The following TEX11 variants were observed in gnomAD, a reference collection of about 807,000 sequenced individuals.
The protein encoded by TEX11 is testis-expressed protein 11.
TEX11 carries 7 observed loss-of-function variants against 84.4 expected under a neutral mutation model. That is an observed-to-expected ratio of 0.08 (90% CI 0.05 to 0.16). TEX11 has a LOEUF of 0.16. TEX11 is among the 10% of genes least tolerant of loss of function. The probability of loss-of-function intolerance (pLI) is 1.00; values close to 1 mark genes in which losing one functional copy is unlikely to be tolerated. For missense variants in TEX11, 551 were observed against 660.5 expected, an observed-to-expected ratio of 0.83 and a Z score of 1.82; for synonymous variants, 264 against 222.8, an observed-to-expected ratio of 1.18 and a Z score of -1.64.
At chrX:70,810,933 C>T (rs1383147961) in intron 8 of TEX11, among the ~76,000 whole-genome samples, 2 of 111,749 alleles carry the variant, frequency 1.8e-5, no homozygotes, top group South Asian at 3.8e-4. Context: ...TCTAACCAAG[C>T]TTTCCATATA....
At chrX:70,836,854 T>A (rs1041597050) in intron 7 of TEX11, among the ~76,000 whole-genome samples, 1 of 111,048 alleles carries the variant, frequency 9.0e-6, no homozygotes, top group South Asian at 3.8e-4. Context: ...CCATTTCTAC[T>A]AAAAATACAA....
At chrX:70,746,613 A>T (rs1056737035) in intron 9 of TEX11, among the ~76,000 whole-genome samples, 1 of 112,193 alleles carries the variant, frequency 8.9e-6, no homozygotes, top group African/African-American at 3.2e-5. Context: ...AAGAGGAAGA[A>T]CTCTGCATCT....
chrX:70,528,098 C>T (rs994315380), downstream of TEX11, among the ~76,000 whole-genome samples: 5 of 111,316 alleles, frequency 4.5e-5, no homozygotes, highest in African/African-American at 9.8e-5. Context: ...TGAGGAACAA[C>T]TAAGGGGTCT....
chrX:70,584,156 G>A (rs1405714632), intron 25 of TEX11, among the ~76,000 whole-genome samples: 5 of 108,132 alleles, frequency 4.6e-5, no homozygotes, highest in East Asian at 2.9e-4. Context: ...GGTGGCGGGC[G>A]CCTGTAGTCC....
intron 25 of TEX11, 134 bp from the exon 26 acceptor site, chrX:70,554,934 C>G (rs2088266418): frequency 3.8e-6 from 2 of 525,867 alleles, no homozygotes; most frequent in South Asian, 1.4e-4. Context: ...GTCATCTTCA[C>G]TGCTGTAGAC....
intron 11 of TEX11, among the ~76,000 whole-genome samples, chrX:70,729,895 C>T (rs192327224): frequency 8.9e-6 from 1 of 111,795 alleles, no homozygotes; most frequent in African/African-American, 3.2e-5. Flanking sequence ...AAAAATGTTA[C>T]GGGCAGCCAG....
At chrX:70,640,441 A>G (rs2089640036) in intron 17 of TEX11, among the ~76,000 whole-genome samples, 1 of 106,637 alleles carries the variant, frequency 9.4e-6, no homozygotes, top group Non-Finnish European at 1.9e-5. Context: ...ACTCCTCGAG[A>G]AGAGCAACTC....
rs367705079 is a variant in TEX11, at chrX:70,722,706, T to C, written c.926-10A>G. The C allele has an allele frequency of 1.2e-5, 14 of 1,133,515 alleles. No homozygotes were observed. The highest frequency in any genetic ancestry group is 2.5e-4 in the Middle Eastern group (1 of 4,046). The allele number at this position is 1,133,515 out of a possible 1,213,427, so 93.4% of individuals were successfully genotyped here. A position where few individuals can be genotyped will look rare whatever the true frequency, so the allele number is the denominator to read the frequency against. On this transcript the variant is annotated splice_polypyrimidine_tract_variant and intron_variant, in intron 12 of 29. Transcript: ENST00000374333. Reference sequence around the variant, plus strand: ...AGTATTTCCATGACAGCTAACAAGATGAAAAAATGAAATAATTATCAGTTT... The same window carrying C: ...AGTATTTCCATGACAGCTAACAAGACGAAAAAATGAAATAATTATCAGTTT...
chrX:70,653,498 T>C (rs1406722650), intron 16 of TEX11, among the ~76,000 whole-genome samples: 1 of 112,292 alleles, frequency 8.9e-6, no homozygotes, highest in African/African-American at 3.2e-5. Flanking sequence ...GATATCACTA[T>C]GCATCTATTA....
chrX:70,826,838 A>G, intron 8 of TEX11, among the ~76,000 whole-genome samples: 1 of 111,003 alleles, frequency 9.0e-6, no homozygotes, highest in East Asian at 2.8e-4. Flanking sequence ...GTGGCAGTCT[A>G]GGGCACAAGG....
At chrX:70,738,965 G>C (rs1207490218) in intron 11 of TEX11, among the ~76,000 whole-genome samples, 1 of 110,472 alleles carries the variant, frequency 9.1e-6, no homozygotes, top group African/African-American at 3.3e-5. Context: ...TGGGAGGCAC[G>C]GGGAGGGAGA....
rs1556039355 is a variant in TEX11, at chrX:70,750,933, A to ATATAT, written c.693-6715_693-6714insATATA. 8.6e-3 allele frequency among the ~76,000 whole-genome samples: 243 copies of ATATAT among 28,161 alleles called. 3 individuals are homozygous for ATATAT. The highest frequency in any genetic ancestry group is 0.013 in the Non-Finnish European group (188 of 14,328). 24.5% of individuals were successfully genotyped at this position (28,161 alleles called of 115,157 possible). A position where few individuals can be genotyped will look rare whatever the true frequency, so the allele number is the denominator to read the frequency against. The stretch of plus-strand genomic sequence containing the variant: ...ACTTAAAGTATAATAAAAAAAAAAA[A>ATATAT]ATATATATATATATATATATATATA... On this transcript the variant is annotated intron_variant, in intron 9 of 29. Transcript: ENST00000374333.
the TEX11 span, among the ~76,000 whole-genome samples, chrX:70,520,995 G>C: frequency 8.9e-6 from 1 of 112,167 alleles, no homozygotes; most frequent in African/African-American, 3.2e-5. Flanking sequence ...CGTTGGAAAA[G>C]TGCAGTATTT....
intron 13 of TEX11, among the ~76,000 whole-genome samples, chrX:70,713,300 C>T (rs1381563250): frequency 1.8e-5 from 2 of 111,786 alleles, no homozygotes; most frequent in African/African-American, 3.2e-5. Context: ...ATGATGCTGG[C>T]CTCATAAAGT....
chrX:70,540,577 A>T (rs1249490390), intron 28 of TEX11, among the ~76,000 whole-genome samples: 2 of 112,099 alleles, frequency 1.8e-5, no homozygotes, highest in Non-Finnish European at 3.8e-5. Flanking sequence ...GAGATATAAA[A>T]TGTAAATGCC....
intron 9 of TEX11, among the ~76,000 whole-genome samples, chrX:70,763,738 A>G (rs1223818862): frequency 9.0e-6 from 1 of 111,567 alleles, no homozygotes; most frequent in Admixed American, 9.6e-5. Context: ...AGAAGAGACA[A>G]AGAAGGTCAC....
intron 9 of TEX11, among the ~76,000 whole-genome samples, chrX:70,755,996 C>T (rs1038515331): frequency 8.9e-6 from 1 of 112,480 alleles, no homozygotes; most frequent in Non-Finnish European, 1.9e-5. Context: ...TCACTGCTAG[C>T]GCAGCATCTA....
chrX:70,684,012 T>C (rs2090167487), intron 13 of TEX11, among the ~76,000 whole-genome samples: 1 of 110,738 alleles, frequency 9.0e-6, no homozygotes, highest in South Asian at 3.8e-4. Context: ...TGCAAATGAA[T>C]GAAATTGGAT....
chrX:70,880,144 C>T (rs1474706964), intron 2 of TEX11, 35 bp from the exon 3 acceptor site: 5 of 1,097,523 alleles, frequency 4.6e-6, no homozygotes, highest in Non-Finnish European at 6.1e-6. Context: ...GTGCTGTGAA[C>T]TATTACCATT....
Sources: gnomAD v4.1 joint callset for allele counts (sites outside exome capture counted in the v4.1 genomes callset) on GRCh38, gnomAD v4.1.1 for gene constraint, MANE v1.5 for transcripts, NCBI Gene and HGNC (gene_info 2026-07-23, HGNC 2026-07-21) for gene names.